Variants in COL12A1 observed in about 807,000 individuals in gnomAD.
COL12A1 encodes collagen type XII alpha 1 chain, also known as collagen alpha-1(XII) chain.
In COL12A1, 114 loss-of-function variants were observed where a neutral mutation model predicts 349.7. That is an observed-to-expected ratio of 0.33 (90% confidence interval 0.28 to 0.38). COL12A1 has a LOEUF of 0.38. Among genes scored for constraint, COL12A1 ranks in the 10% least tolerant of loss-of-function variants. The probability of loss-of-function intolerance (pLI) is 1.00; values close to 1 mark genes in which losing one functional copy is unlikely to be tolerated. For missense variants in COL12A1, 3,284 were observed against 3,756.9 expected (o/e 0.87, Z 3.29); for synonymous variants, 1,369 against 1,329.0 (o/e 1.03, Z -0.66).
At chr6:75,144,482 A>G (rs969893500) in intron 25 of COL12A1, among the ~76,000 whole-genome samples, 6 of 151,970 alleles carry the variant, frequency 3.9e-5, no homozygotes, top group African/African-American at 1.2e-4. Flanking sequence ...AAAACTCTTC[A>G]TTTTCTCAGA....
chr6:75,145,611 C>CTTTTTTT (rs56698330), intron 24 of COL12A1, among the ~76,000 whole-genome samples, 156 bp from the exon 25 acceptor site: 1 of 121,186 alleles, frequency 8.3e-6, no homozygotes, highest in South Asian at 2.8e-4. Context: ...CTGATGTTTT[C>CTTTTTTT]TTTTTTTTTT....
At position 75,189,515 on chromosome 6, in the gene COL12A1, A is replaced by G. The variant is rs201474947; in HGVS notation, c.658+37T>C. ...CATTTCTTTCTGAAACAGACATTTC[A>G]TTTATTTTTAACTTTAAAAAAATCT... On this transcript the variant is annotated intron_variant, in intron 6 of 65. Coordinates refer to ENST00000322507, the MANE Select transcript of COL12A1 (RefSeq NM_004370.6). 1.3e-4 allele frequency: 210 copies of G among 1,589,844 alleles called. 1 individual carries two copies. Among genetic ancestry groups the G allele is most frequent in the Non-Finnish European group, 1.6e-4 (188 of 1,169,684 alleles).
chr6:75,175,233 C>G lies in COL12A1; in HGVS notation c.2515G>C (p.Gly839Arg). 1 of 1,614,190 alleles carries G rather than the reference C, an allele frequency of 6.2e-7. No homozygotes were observed. Residue 839 changes from glycine (G) to arginine (R), a missense_variant, in exon 13 of 66, where the codon GGA becomes CGA. By Grantham distance (125) the Gly-to-Arg change is moderately radical. Around this residue, in one of 2 missense-constraint regions of COL12A1, gnomAD observed 2,601 missense variants for 2,824.8 expected, o/e 0.92. Coordinates refer to ENST00000322507, the MANE Select transcript of COL12A1 (RefSeq NM_004370.6). ...GTGACGAGATACTGTTTCACTTTTC[C>G]TGGTGCCCCACTCCAAGATAATTTC... Reference protein sequence around the residue: ...TMKLSWSGAPGKVKQYLVTYT... With the variant: ...TMKLSWSGAPRKVKQYLVTYT...
intron 51 of COL12A1, among the ~76,000 whole-genome samples, chr6:75,112,296 G>T (rs1437517933): frequency 6.6e-6 from 1 of 151,830 alleles, no homozygotes; most frequent in Non-Finnish European, 1.5e-5. Flanking sequence ...AAAATAATCT[G>T]TATGATAAAC....
chr6:75,086,868 T>C (rs1767522601), intron 65 of COL12A1, among the ~76,000 whole-genome samples: 1 of 152,158 alleles, frequency 6.6e-6, no homozygotes, highest in Non-Finnish European at 1.5e-5. Flanking sequence ...CATGCACTAT[T>C]TGAAAGTAGC....
At chr6:75,171,106 T>G (rs1768608040) in intron 13 of COL12A1, among the ~76,000 whole-genome samples, 1 of 152,180 alleles carries the variant, frequency 6.6e-6, no homozygotes, top group South Asian at 2.1e-4. Context: ...CAGATTTTCC[T>G]CCAAGCACTA....
intron 33 of COL12A1, among the ~76,000 whole-genome samples, 169 bp from the exon 34 acceptor site, chr6:75,133,591 C>T (rs1427042433): frequency 1.3e-5 from 2 of 152,112 alleles, no homozygotes; most frequent in Admixed American, 6.5e-5. Flanking sequence ...ACATATTTCC[C>T]TATACCCCTC....
intron 36 of COL12A1, 81 bp from the exon 37 acceptor site, chr6:75,130,314 G>T: frequency 7.2e-7 from 1 of 1,385,668 alleles, no homozygotes; most frequent in African/African-American, 1.4e-5. Context: ...GCTTGCATGT[G>T]TTTCATTCAC....
At position 75,101,649 on chromosome 6, in the gene COL12A1, G is replaced by A. The variant is rs1280191331; in HGVS notation, c.8474C>T (p.Thr2825Ile). ...TCCTGGTGGGCCAGGTAATCCTGGG[G>A]TTCCCTGCACAGAAGGAAACAAACA... ...GEPGLPGRTG[T>I]PGLPGPPGPM... Residue 2825 changes from threonine (T) to isoleucine (I), a missense_variant, in exon 58 of 66, where the codon ACC becomes ATC. Transcript: ENST00000322507. 2 of 1,613,588 alleles carry A rather than the reference G, an allele frequency of 1.2e-6. No homozygotes were observed. Among genetic ancestry groups the A allele is most frequent in the African/African-American group, 1.3e-5 (1 of 74,902 alleles).
At chr6:75,155,951 G>T in intron 15 of COL12A1, 97 bp from the exon 16 acceptor site, 10 of 1,294,204 alleles carry the variant, frequency 7.7e-6, no homozygotes, top group Non-Finnish European at 9.4e-6. Flanking sequence ...CCATAAAAAG[G>T]GTTTAAGTCC....
chr6:75,175,745 G>A (rs1768904488), intron 12 of COL12A1, among the ~76,000 whole-genome samples: 2 of 151,840 alleles, frequency 1.3e-5, no homozygotes, highest in Admixed American at 1.3e-4. Flanking sequence ...GGTAACAGGA[G>A]CGAATTCTGA....
At chr6:75,185,314 T>C (rs1292392974) in intron 8 of COL12A1, among the ~76,000 whole-genome samples, 1 of 152,144 alleles carries the variant, frequency 6.6e-6, no homozygotes, top group Non-Finnish European at 1.5e-5. Context: ...CCAGCATTCC[T>C]ATACACAACA....
At chr6:75,116,741 T>A (rs1181338097) in intron 47 of COL12A1, among the ~76,000 whole-genome samples, 2 of 152,072 alleles carry the variant, frequency 1.3e-5, no homozygotes, top group African/African-American at 4.8e-5. Context: ...CTGTCTAGGA[T>A]CAGGGGTCTG....
chr6:75,129,730 A>G (rs184493559), intron 37 of COL12A1, among the ~76,000 whole-genome samples: 30 of 152,362 alleles, frequency 2.0e-4, no homozygotes, highest in African/African-American at 4.3e-4. Context: ...AGATTTGGAT[A>G]AATACATTAT....
rs369315573 is a variant in COL12A1 at position 75,087,543 on chromosome 6, G to A, written c.9181+34C>T. ...ATTTCCGTAAAGTTCTTTACTTCAG[G>A]TGAGTTGGGGTTCCTACAATGGCAA... On this transcript the variant is annotated intron_variant, in intron 65 of 65. Transcript: ENST00000322507. 1.9e-6 allele frequency: 3 copies of A among 1,607,526 alleles called. No homozygotes were observed. In the Admixed American group the frequency reaches 5.1e-5, roughly 28 times the overall value.
chr6:75,128,828 C>T (rs1766152520), intron 37 of COL12A1, among the ~76,000 whole-genome samples: 1 of 152,164 alleles, frequency 6.6e-6, no homozygotes, highest in South Asian at 2.1e-4. Context: ...CCGCTGTGGA[C>T]CAGGCACAGT....
intron 20 of COL12A1, 30 bp downstream of exon 20, chr6:75,151,837 A>G (rs780954908): frequency 3.2e-5 from 51 of 1,604,266 alleles, no homozygotes; most frequent in Non-Finnish European, 2.5e-5. Flanking sequence ...TTGTAACCCC[A>G]GGGGCATCAC....
At chr6:75,146,526 C>G (rs1767203138) in intron 23 of COL12A1, among the ~76,000 whole-genome samples, 1 of 152,156 alleles carries the variant, frequency 6.6e-6, no homozygotes, top group Non-Finnish European at 1.5e-5. Context: ...ACAATAGATA[C>G]CAACTTCCTG....
chr6:75,199,007 A>G lies in COL12A1; in HGVS notation c.73+3713T>C, dbSNP rs1258093028. On this transcript the variant is annotated intron_variant, in intron 2 of 65. Coordinates refer to ENST00000322507, the MANE Select transcript of COL12A1 (RefSeq NM_004370.6). ...TAGCATAACTTTAATTATCTTTGCCATGATATAGAAATCCATTTCATTTGA... is the reference window on the plus strand; with the variant it reads ...TAGCATAACTTTAATTATCTTTGCCGTGATATAGAAATCCATTTCATTTGA... 2.0e-5 allele frequency among the ~76,000 whole-genome samples: 3 copies of G among 152,268 alleles called. 1 individual carries two copies. In the South Asian group the frequency reaches 6.2e-4, roughly 31 times the overall value.
Sources: gnomAD v4.1 joint callset for allele counts (sites outside exome capture counted in the v4.1 genomes callset) on GRCh38, gnomAD v4.1.1 for gene constraint, gnomAD v4.1.1 regional missense constraint, MANE v1.5 for transcripts, NCBI Gene and HGNC (gene_info 2026-07-23, HGNC 2026-07-21) for gene names.